Variants in CYP3A43 observed in about 807,000 individuals in gnomAD.
CYP3A43 encodes cytochrome P450 3A43.
A neutral mutation model predicts 58.0 loss-of-function variants in CYP3A43; 45 were observed. The observed-to-expected ratio is 0.78, with a 90% confidence interval of 0.61 to 0.99. The LOEUF (loss-of-function observed/expected upper bound fraction) is 0.99. CYP3A43 is among the 50% of genes least tolerant of loss of function. CYP3A43 has a pLI of 0.00. For synonymous variants in CYP3A43, 191 were observed against 201.4 expected (o/e 0.95, Z 0.44); for missense variants, 593 against 591.9 (o/e 1.00, Z -0.02).
chr7:99,863,726 T>A (rs1311783509), intron 12 of CYP3A43, 27 bp downstream of exon 12: 2 of 1,496,748 alleles, frequency 1.3e-6, no homozygotes, highest in Non-Finnish European at 1.8e-6. Context: ...ATAAATAATG[T>A]TTATTGGGAG....
chr7:99,841,579 G>C (rs1415415871), intron 3 of CYP3A43, among the ~76,000 whole-genome samples: 1 of 152,056 alleles, frequency 6.6e-6, no homozygotes, highest in Non-Finnish European at 1.5e-5. Context: ...TGTATTTTTA[G>C]TAGAGACAGG....
At chr7:99,839,299 G>T in intron 3 of CYP3A43, 127 bp downstream of exon 3, 1 of 1,134,358 alleles carries the variant, frequency 8.8e-7, no homozygotes. Context: ...AACAAACAGA[G>T]AGAGGCTATC....
chr7:99,837,261 G>A (rs1241540995), intron 2 of CYP3A43, among the ~76,000 whole-genome samples: 1 of 148,826 alleles, frequency 6.7e-6, no homozygotes, highest in South Asian at 2.1e-4. Flanking sequence ...GGAGCTTGCA[G>A]TGAGCCGAGA....
intron 7 of CYP3A43, among the ~76,000 whole-genome samples, chr7:99,855,206 G>T (rs139426249): frequency 2.6e-5 from 4 of 152,094 alleles, no homozygotes; most frequent in Admixed American, 6.5e-5. Context: ...GACATTTGCC[G>T]TATTGTTTCT....
At chr7:99,838,538 A>G in intron 2 of CYP3A43, 1 of 550,110 alleles carries the variant, frequency 1.8e-6, no homozygotes, top group Non-Finnish European at 2.7e-6. Flanking sequence ...ATGAAAACAC[A>G]TCAGAAAGAC....
intron 12 of CYP3A43, 32 bp downstream of exon 12, chr7:99,863,731 T>C (rs768096860): frequency 1.3e-6 from 2 of 1,482,320 alleles, no homozygotes; most frequent in South Asian, 3.0e-5. Context: ...TAATGTTTAT[T>C]GGGAGTTTTT....
chr7:99,865,498 C>A (rs1818410969), intron 12 of CYP3A43, among the ~76,000 whole-genome samples: 6 of 148,652 alleles, frequency 4.0e-5, no homozygotes, highest in South Asian at 4.1e-4. Context: ...ATATATAACA[C>A]CTACTGAGGA....
intron 7 of CYP3A43, among the ~76,000 whole-genome samples, chr7:99,850,258 T>TTTTC (rs977833776): frequency 5.3e-5 from 8 of 149,882 alleles, no homozygotes; most frequent in East Asian, 2.0e-4. Context: ...CCTGGCCTTT[T>TTTTC]TTTCTTTCTT....
chr7:99,837,323 AAAAAAAAAAAAAG>A (rs1817134595), intron 2 of CYP3A43, among the ~76,000 whole-genome samples: 1 of 151,206 alleles, frequency 6.6e-6, no homozygotes, highest in Non-Finnish European at 1.5e-5. Flanking sequence ...TGTCTCAAAA[AAAAAAAAAAAAAG>A]AAAAGAAAAA....
rs1270321983 is a variant in CYP3A43, at chr7:99,836,552, T to C, written c.165+6T>C. ...CTATTTTGTTCTACCTTAGGGTAAGTGTTATTTGAGCTCCCTCTTTTGCTT... is the reference window on the plus strand; with the variant it reads ...CTATTTTGTTCTACCTTAGGGTAAGCGTTATTTGAGCTCCCTCTTTTGCTT... On this transcript the variant is annotated splice_donor_region_variant and intron_variant, in intron 2 of 12. Coordinates refer to ENST00000354829, the MANE Select transcript of CYP3A43 (RefSeq NM_057095.3). The C allele has an allele frequency of 6.4e-7, 1 of 1,568,004 alleles. No individual in the cohort carries two copies. Among genetic ancestry groups the C allele is most frequent in the African/African-American group, 1.4e-5 (1 of 72,444 alleles).
chr7:99,857,460 C>T (rs551608929), intron 9 of CYP3A43, among the ~76,000 whole-genome samples: 2 of 152,218 alleles, frequency 1.3e-5, no homozygotes, highest in South Asian at 4.1e-4. Context: ...CTATGATGGT[C>T]GCAAAATAAT....
intron 3 of CYP3A43, among the ~76,000 whole-genome samples, chr7:99,841,088 G>C (rs940010328): frequency 6.6e-6 from 1 of 152,142 alleles, no homozygotes; most frequent in Non-Finnish European, 1.5e-5. Context: ...ATGATGAACA[G>C]TTTTTAGCTT....
Position 99,830,678 on chromosome 7 carries a change from C to A in CYP3A43, c.71+2492C>A, listed in dbSNP as rs531720034. Among the ~76,000 whole-genome samples, 8 of 152,278 alleles carry A rather than the reference C, an allele frequency of 5.3e-5. No individual in the cohort carries two copies. In the East Asian group the frequency reaches 1.5e-3, roughly 29 times the overall value. On this transcript the variant is annotated intron_variant, in intron 1 of 12. Transcript: ENST00000354829. ...CCTCACTCTCTCATGTCTTGTGTCA[C>A]CCACTCCCCATCAGAAGATACTACA...
chr7:99,828,956 T>C (rs188684829), intron 1 of CYP3A43, among the ~76,000 whole-genome samples: 90 of 152,360 alleles, frequency 5.9e-4, no homozygotes, highest in African/African-American at 2.0e-3. Flanking sequence ...CCTGAGAGAC[T>C]TTATCTCCAC....
intron 12 of CYP3A43, among the ~76,000 whole-genome samples, chr7:99,864,041 A>T (rs779735425): frequency 4.7e-5 from 7 of 148,830 alleles, no homozygotes; most frequent in Non-Finnish European, 7.3e-5. Flanking sequence ...TTACTTTGTC[A>T]GGACTTTCGA....
intron 3 of CYP3A43, chr7:99,839,569 A>C: frequency 2.5e-6 from 1 of 407,270 alleles, no homozygotes; most frequent in Non-Finnish European, 4.8e-6. Flanking sequence ...GCAATGTGGC[A>C]TCACTCGTCT....
intron 11 of CYP3A43, among the ~76,000 whole-genome samples, chr7:99,862,833 C>T (rs1379922926): frequency 6.6e-6 from 1 of 152,174 alleles, no homozygotes; most frequent in Non-Finnish European, 1.5e-5. Flanking sequence ...TCAGAATTGA[C>T]CAATTTCTCT....
chr7:99,855,699 G>T lies in CYP3A43; in HGVS notation c.779G>T (p.Arg260Leu). The change falls in exon 8 of 13, where the codon CGC becomes CTC. Residue 260 changes from arginine (R) to leucine (L), a missense_variant. Physicochemically the swap from Arg to Leu is moderately radical, Grantham distance 102 (BLOSUM62 -2). Coordinates refer to ENST00000354829, the MANE Select transcript of CYP3A43 (RefSeq NM_057095.3). ...KNSIERMKES[R>L]LKDKQKHRVD... ...TCCATTGAAAGGATGAAAGAAAGTC[G>T]CCTCAAAGATAAACAAAAGGTAAAA... 3.1e-6 allele frequency: 5 copies of T among 1,609,492 alleles called. No homozygotes were observed. The South Asian group carries it at 4.4e-5, about 14-fold the overall frequency.
At chr7:99,855,897 G>A (rs1309938782) in intron 8 of CYP3A43, among the ~76,000 whole-genome samples, 179 bp downstream of exon 8, 3 of 152,204 alleles carry the variant, frequency 2.0e-5, no homozygotes, top group African/African-American at 7.2e-5. Flanking sequence ...GAAAGAGAAT[G>A]AGTGAAACAG....
Sources: allele counts gnomAD v4.1 joint callset (sites outside exome capture counted in the v4.1 genomes callset), GRCh38; gene constraint gnomAD v4.1.1; transcripts MANE v1.5; gene names NCBI Gene and HGNC (gene_info 2026-07-23, HGNC 2026-07-21).